The following RGL1 variants were observed in gnomAD, a reference collection of about 807,000 sequenced individuals.
RGL1 encodes ral guanine nucleotide dissociation stimulator-like 1.
Under a neutral mutation model 95.2 loss-of-function variants are expected in RGL1, and 24 were observed. That is an observed-to-expected ratio of 0.25 (90% confidence interval 0.18 to 0.35). RGL1 has a LOEUF of 0.35. Ranked by LOEUF, RGL1 falls within the 10% of genes least tolerant of loss-of-function variation. The probability of loss-of-function intolerance (pLI) is 1.00; values close to 1 mark genes in which losing one functional copy is unlikely to be tolerated. For missense variants in RGL1, 715 were observed against 936.3 expected, an observed-to-expected ratio of 0.76 and a Z score of 3.08; for synonymous variants, 329 against 344.9, an observed-to-expected ratio of 0.95 and a Z score of 0.51.
intron 1 of RGL1, among the ~76,000 whole-genome samples, chr1:183,676,511 A>G (rs1485510618): frequency 6.6e-6 from 1 of 151,974 alleles, no homozygotes; most frequent in African/African-American, 2.4e-5. Flanking sequence ...ACACAGTTCA[A>G]TGAATCTAGT....
rs1453999657 is a variant in RGL1, at chr1:183,668,938, T to TC, written c.-33+32437_-33+32438insC. ...TTTGCTTTTGGTATTGGACTTTCTT[T>TC]TCTTTTTTTTTTTTTTTGAGATGGA... On this transcript the variant is annotated intron_variant, in intron 1 of 18. Coordinates refer to the RGL1 transcript ENST00000304685. 1.5e-4 allele frequency among the ~76,000 whole-genome samples: 21 copies of TC among 143,572 alleles called. 3 individuals carry two copies. The highest frequency in any genetic ancestry group is 9.0e-4 in the Admixed American group (13 of 14,460). The allele number at this position is 143,572 out of a possible 152,430, so 94.2% of individuals were successfully genotyped here. A position where few individuals can be genotyped will look rare whatever the true frequency, so the allele number is the denominator to read the frequency against.
intron 4 of RGL1, among the ~76,000 whole-genome samples, chr1:183,869,524 T>C (rs1028565085): frequency 1.3e-5 from 2 of 152,220 alleles, no homozygotes; most frequent in African/African-American, 2.4e-5. Flanking sequence ...CTTTATCTTA[T>C]AATGGGTCGC....
chr1:183,767,657 A>G (rs548455318), intron 2 of RGL1, among the ~76,000 whole-genome samples: 178 of 152,302 alleles, frequency 1.2e-3, no homozygotes, highest in Non-Finnish European at 2.1e-3. Context: ...CAACAATATT[A>G]AAAAAGAATT....
intron 1 of RGL1, among the ~76,000 whole-genome samples, chr1:183,658,228 C>T (rs1651327125): frequency 6.6e-6 from 1 of 152,190 alleles, no homozygotes; most frequent in African/African-American, 2.4e-5. Flanking sequence ...GTGCAGTGCA[C>T]CATGCGCCAG....
intron 2 of RGL1, among the ~76,000 whole-genome samples, chr1:183,840,712 TA>T (rs66846570): frequency 1.3e-4 from 8 of 62,582 alleles, no homozygotes; most frequent in Non-Finnish European, 3.0e-4. Context: ...AATAAATAAA[TA>T]AATAAATAAA....
intron 2 of RGL1, among the ~76,000 whole-genome samples, chr1:183,833,811 T>C (rs1420326227): frequency 6.6e-6 from 1 of 152,206 alleles, no homozygotes; most frequent in Admixed American, 6.5e-5. Flanking sequence ...ACAGAGAAGC[T>C]ATGGCTGAGG....
intron 1 of RGL1, among the ~76,000 whole-genome samples, chr1:183,673,482 G>C (rs536057627): frequency 2.0e-5 from 3 of 152,244 alleles, no homozygotes; most frequent in East Asian, 1.9e-4. Context: ...CAAACCCAAG[G>C]CTTCATTGTT....
intron 1 of RGL1, among the ~76,000 whole-genome samples, chr1:183,683,119 A>C (rs1266364235): frequency 1.3e-5 from 2 of 151,882 alleles, no homozygotes; most frequent in Non-Finnish European, 2.9e-5. Context: ...TCTTGACTCT[A>C]TCCAATTTGC....
At chr1:183,867,231 T>TA (rs1407085027) in intron 4 of RGL1, among the ~76,000 whole-genome samples, 3 of 152,096 alleles carry the variant, frequency 2.0e-5, no homozygotes, top group Non-Finnish European at 4.4e-5. Context: ...TAAGGGCAGA[T>TA]AGAGGAGAGA....
At chr1:183,876,884 AT>A (rs1192907477) in intron 4 of RGL1, among the ~76,000 whole-genome samples, 3 of 152,166 alleles carry the variant, frequency 2.0e-5, no homozygotes, top group Non-Finnish European at 4.4e-5. Flanking sequence ...TCGCTGAGCC[AT>A]TTTACCTTTT....
chr1:183,671,771 GC>G (rs1217437532), intron 1 of RGL1, among the ~76,000 whole-genome samples: 2 of 152,170 alleles, frequency 1.3e-5, no homozygotes, highest in African/African-American at 4.8e-5. Context: ...GTATATGGAA[GC>G]TGAGAGGAAG....
rs897783712 is a variant in RGL1, at chr1:183,840,709, AAATAAATAAATAAAT to A, written c.139-6839_139-6825del. Among the ~76,000 whole-genome samples, 185 of 63,030 alleles carry A rather than the reference AAATAAATAAATAAAT, an allele frequency of 2.9e-3. 2 individuals carry two copies. In the East Asian group the frequency reaches 0.052, roughly 18 times the overall value. 41.4% of individuals were successfully genotyped at this position (63,030 alleles called of 152,430 possible). On this transcript the variant is annotated intron_variant, in intron 2 of 17. Coordinates refer to ENST00000360851, the MANE Select transcript of RGL1 (RefSeq NM_001297671.3). ...GAGGCCTTGTCTCTAAAAAATAAAT[AAATAAATAAATAAAT>A]AATAAATAAATAAATAAATAAATTA... is the stretch of plus-strand genomic sequence containing the variant.
chr1:183,778,018 A>G (rs1438323242), intron 2 of RGL1, among the ~76,000 whole-genome samples: 1 of 152,164 alleles, frequency 6.6e-6, no homozygotes, highest in African/African-American at 2.4e-5. Flanking sequence ...GAAAATTTTT[A>G]AGCTGCAGCT....
rs1207747574 is a variant in RGL1, at chr1:183,904,991, A to C, written c.1472+20A>C. The C allele has an allele frequency of 6.2e-7, 1 of 1,607,304 alleles. No individual in the cohort carries two copies. Among genetic ancestry groups the C allele is most frequent in the Non-Finnish European group, 8.5e-7 (1 of 1,178,042 alleles). ...GGAGAGGTGGGATCACCTGTCGTTC[A>C]TCGGGGTAGAACTGAAGTGTTGGCA... On this transcript the variant is annotated intron_variant, in intron 13 of 17. Coordinates refer to ENST00000360851, the MANE Select transcript of RGL1 (RefSeq NM_001297671.3).
chr1:183,742,536 C>T (rs1657375359), intron 2 of RGL1, among the ~76,000 whole-genome samples: 2 of 152,328 alleles, frequency 1.3e-5, no homozygotes, highest in South Asian at 2.1e-4. Flanking sequence ...ATCTAAGGCT[C>T]ATATGCATAT....
chr1:183,712,370 T>C (rs1027661014), intron 1 of RGL1, among the ~76,000 whole-genome samples: 1 of 152,162 alleles, frequency 6.6e-6, no homozygotes, highest in Non-Finnish European at 1.5e-5. Context: ...CAGCCTCAGG[T>C]TGTAAGCGAT....
chr1:183,786,021 C>T (rs145673256), intron 2 of RGL1, among the ~76,000 whole-genome samples: 26 of 151,730 alleles, frequency 1.7e-4, no homozygotes, highest in East Asian at 3.9e-4. Context: ...GATGCTGCAG[C>T]GAGCTGTGAT....
chr1:183,758,754 G>A (rs934193040), intron 2 of RGL1, among the ~76,000 whole-genome samples: 10 of 152,108 alleles, frequency 6.6e-5, no homozygotes, highest in African/African-American at 2.2e-4. Context: ...CACTGAGGGG[G>A]TTCTGTTTTC....
intron 3 of RGL1, among the ~76,000 whole-genome samples, chr1:183,852,189 A>G (rs1664862731): frequency 6.6e-6 from 1 of 152,142 alleles, no homozygotes. Context: ...AAGACTTCTA[A>G]TAATGTGGGT....
Sources: gnomAD v4.1 joint callset for allele counts (sites outside exome capture counted in the v4.1 genomes callset) on GRCh38, gnomAD v4.1.1 for gene constraint, MANE v1.5 for transcripts, NCBI Gene and HGNC (gene_info 2026-07-23, HGNC 2026-07-21) for gene names.